Variants in GRXCR2 observed in about 807,000 individuals in gnomAD.
GRXCR2 encodes glutaredoxin domain-containing cysteine-rich protein 2.
Under a neutral mutation model 24.8 loss-of-function variants are expected in GRXCR2, and 23 were observed. The ratio of observed to expected loss-of-function variants is 0.93; its 90% confidence interval spans 0.67 to 1.32. The LOEUF (loss-of-function observed/expected upper bound fraction) is 1.32, where lower values mean the gene tolerates loss of function less well. GRXCR2 is among the 40% of genes most tolerant of loss of function. GRXCR2 has a pLI of 0.00. For missense variants in GRXCR2, 315 were observed against 303.4 expected, an observed-to-expected ratio of 1.04 and a Z score of -0.28; for synonymous variants, 130 against 116.1, an observed-to-expected ratio of 1.12 and a Z score of -0.77.
chr5:145,905,078 C>A (rs182698680), intron 2 of GRXCR2, among the ~76,000 whole-genome samples: 6 of 152,172 alleles, frequency 3.9e-5, no homozygotes, highest in African/African-American at 1.4e-4. Flanking sequence ...AGGGAGGGAA[C>A]GACCCAAGAG....
At chr5:145,912,116 A>C (rs887525104) in intron 2 of GRXCR2, among the ~76,000 whole-genome samples, 12 of 152,164 alleles carry the variant, frequency 7.9e-5, no homozygotes, top group Admixed American at 2.0e-4. Context: ...GTGTCACCTG[A>C]CACCCAGAAG....
Position 145,863,222 on chromosome 5 carries a change from G to A in GRXCR2, c.564+3279C>T, listed in dbSNP as rs138310454. On this transcript the variant is annotated intron_variant, in intron 2 of 2. Coordinates refer to ENST00000377976, the MANE Select transcript of GRXCR2 (RefSeq NM_001080516.2). ...CCGTTCCATCTAACAGAACAAAGAGGCTCTTGGTCAGAAGGGGCTCCTTGA... is the reference window on the plus strand; with the variant it reads ...CCGTTCCATCTAACAGAACAAAGAGACTCTTGGTCAGAAGGGGCTCCTTGA... Among the ~76,000 whole-genome samples the A allele has an allele frequency of 3.9e-3, 597 of 152,278 alleles. 3 individuals carry two copies. The highest frequency in any genetic ancestry group is 6.2e-3 in the Non-Finnish European group (421 of 68,030).
intron 2 of GRXCR2, among the ~76,000 whole-genome samples, chr5:145,924,534 G>A (rs1345228623): frequency 1.3e-5 from 2 of 152,110 alleles, no homozygotes; most frequent in African/African-American, 4.8e-5. Context: ...GAACTCTACT[G>A]AACGGAACCA....
intron 2 of GRXCR2, among the ~76,000 whole-genome samples, chr5:145,861,965 C>T (rs1458750008): frequency 3.9e-5 from 6 of 152,120 alleles, no homozygotes. Context: ...TCTATGTACC[C>T]TTTCGTTAAT....
At chr5:145,914,878 C>T (rs1162352479) in intron 2 of GRXCR2, among the ~76,000 whole-genome samples, 1 of 151,976 alleles carries the variant, frequency 6.6e-6, no homozygotes, top group Non-Finnish European at 1.5e-5. Context: ...GTCAGGCCAC[C>T]CGACAATGGA....
upstream of GRXCR2, among the ~76,000 whole-genome samples, chr5:145,876,226 C>T (rs1404393728): frequency 1.5e-3 from 167 of 114,024 alleles, no homozygotes; most frequent in African/African-American, 4.5e-3. Context: ...TACACACACA[C>T]ACACATACCC....
At chr5:145,905,632 G>A (rs2149923825) in intron 2 of GRXCR2, among the ~76,000 whole-genome samples, 1 of 152,304 alleles carries the variant, frequency 6.6e-6, no homozygotes, top group East Asian at 1.9e-4. Context: ...TATGGAGAGA[G>A]ATGGAGGGAA....
chr5:145,917,428 A>G (rs947089384), intron 2 of GRXCR2, among the ~76,000 whole-genome samples: 8 of 152,170 alleles, frequency 5.3e-5, no homozygotes, highest in African/African-American at 1.9e-4. Context: ...GAATATAGAC[A>G]AGGACCATGA....
At chr5:145,912,390 T>C (rs997303691) in intron 2 of GRXCR2, among the ~76,000 whole-genome samples, 1 of 152,114 alleles carries the variant, frequency 6.6e-6, no homozygotes, top group Non-Finnish European at 1.5e-5. Flanking sequence ...ATGACCCCTC[T>C]TTCATTCATT....
chr5:145,869,282 G>A (rs1019900430), intron 1 of GRXCR2, among the ~76,000 whole-genome samples: 2 of 152,196 alleles, frequency 1.3e-5, no homozygotes, highest in Non-Finnish European at 2.9e-5. Flanking sequence ...GAAATGTTGT[G>A]AAGATGAAAT....
rs150842614 is a variant in GRXCR2 at position 145,862,131 on chromosome 5, A to G, written c.565-2216T>C. Among the ~76,000 whole-genome samples, 571 of 152,308 alleles carry G rather than the reference A, an allele frequency of 3.7e-3. 8 individuals carry two copies. Among genetic ancestry groups the G allele is most frequent in the African/African-American group, 0.013 (535 of 41,564 alleles). Reference sequence around the variant, plus strand: ...CATTAGGTTTTATGTTTTGTACTTCATCCCAGTGAGATTTTAATAACATAA... The same window carrying G: ...CATTAGGTTTTATGTTTTGTACTTCGTCCCAGTGAGATTTTAATAACATAA... On this transcript the variant is annotated intron_variant, in intron 2 of 2. Coordinates refer to ENST00000377976, the MANE Select transcript of GRXCR2 (RefSeq NM_001080516.2).
At chr5:145,897,239 G>GCACA in intron 2 of GRXCR2, among the ~76,000 whole-genome samples, 1 of 122,932 alleles carries the variant, frequency 8.1e-6, no homozygotes, top group African/African-American at 3.3e-5. Context: ...TAACAAACCT[G>GCACA]TTGTTTGTTA....
At position 145,872,846 on chromosome 5, in the gene GRXCR2, T is replaced by C; in HGVS notation, c.123A>G (p.Glu41=). 1 of 1,614,136 alleles carries C rather than the reference T, an allele frequency of 6.2e-7. No individual in the cohort carries two copies. Among genetic ancestry groups the C allele is most frequent in the Non-Finnish European group, 8.5e-7 (1 of 1,180,000 alleles). ...VLKQVFEDGQ[E]LESPKEEYPH... Reference sequence around the variant, plus strand: ...GGTATTCCTCCTTTGGTGACTCTAATTCCTGCCCATCCTCAAAGACCTGCT... The same window carrying C: ...GGTATTCCTCCTTTGGTGACTCTAACTCCTGCCCATCCTCAAAGACCTGCT... Residue 41 remains glutamate (E), a synonymous_variant, in exon 1 of 3, where the codon GAA becomes GAG. Transcript: ENST00000377976.
rs1258352399 is a variant in GRXCR2 at position 145,881,150 on chromosome 5, A to G, written c.-69-14422T>C. Among the ~76,000 whole-genome samples, 3 of 152,214 alleles carry G rather than the reference A, an allele frequency of 2.0e-5. No individual in the cohort carries two copies. In the East Asian group the frequency reaches 5.8e-4, roughly 29 times the overall value. ...AAGAATGCCCTCTCTCACCACTCCT[A>G]TTTAACATAGTGTTGGAAGTTCTGG... On this transcript the variant is annotated intron_variant, in intron 2 of 3. Transcript: ENST00000639411.
intron 2 of GRXCR2, among the ~76,000 whole-genome samples, chr5:145,883,972 A>C (rs1756740919): frequency 6.6e-6 from 1 of 152,228 alleles, no homozygotes; most frequent in African/African-American, 2.4e-5. Flanking sequence ...ACATTTAAGC[A>C]AGTGATTAAA....
chr5:145,920,068 C>T (rs1757302514), intron 2 of GRXCR2, among the ~76,000 whole-genome samples: 1 of 152,156 alleles, frequency 6.6e-6, no homozygotes, highest in African/African-American at 2.4e-5. Context: ...AGTCTCTCCT[C>T]CTCACTGTTT....
At chr5:145,900,392 G>T (rs1757008717) in intron 2 of GRXCR2, among the ~76,000 whole-genome samples, 1 of 152,084 alleles carries the variant, frequency 6.6e-6, no homozygotes, top group South Asian at 2.1e-4. Context: ...ACAGCCTGAG[G>T]AACTGTGAGC....
At chr5:145,906,019 G>A (rs529083195) in intron 2 of GRXCR2, among the ~76,000 whole-genome samples, 3 of 152,182 alleles carry the variant, frequency 2.0e-5, no homozygotes, top group Non-Finnish European at 4.4e-5. Flanking sequence ...TATTTTAATC[G>A]GGAGCCATTG....
intron 2 of GRXCR2, among the ~76,000 whole-genome samples, chr5:145,913,398 A>C (rs1757192765): frequency 6.6e-6 from 1 of 151,542 alleles, no homozygotes; most frequent in East Asian, 2.0e-4. Context: ...GGGCTCAGGA[A>C]CTAGGCAAGA....
Sources: allele counts gnomAD v4.1 joint callset (sites outside exome capture counted in the v4.1 genomes callset), GRCh38; gene constraint gnomAD v4.1.1; transcripts MANE v1.5; gene names NCBI Gene and HGNC (gene_info 2026-07-23, HGNC 2026-07-21).